NALCN: variants seen among roughly 807,000 people sequenced by gnomAD.
NALCN encodes the protein sodium leak channel NALCN.
Under a neutral mutation model 225.3 loss-of-function variants are expected in NALCN, and 111 were observed. The observed-to-expected ratio is 0.49, with a 90% CI of 0.42 to 0.58. The LOEUF (loss-of-function observed/expected upper bound fraction) is 0.58, where lower values mean the gene tolerates loss of function less well. Ranked by LOEUF, NALCN falls within the 20% of genes least tolerant of loss-of-function variation. The pLI is 0.00. For missense variants in NALCN, 1,378 were observed against 2,202.4 expected, an observed-to-expected ratio of 0.63 and a Z score of 7.49; for synonymous variants, 764 against 769.0, an observed-to-expected ratio of 0.99 and a Z score of 0.11.
At chr13:101,071,758 C>T (rs1265776649) in intron 37 of NALCN, among the ~76,000 whole-genome samples, 1 of 152,212 alleles carries the variant, frequency 6.6e-6, no homozygotes, top group African/African-American at 2.4e-5. Context: ...TTTGAATTTA[C>T]AACTTGAGTA....
At chr13:101,401,415 C>A (rs2047475780) in intron 1 of NALCN, among the ~76,000 whole-genome samples, 1 of 151,834 alleles carries the variant, frequency 6.6e-6, no homozygotes, top group South Asian at 2.1e-4. Flanking sequence ...TTTTAGAAAT[C>A]CTTCAAGATG....
At chr13:101,094,823 A>G (rs1054026149) in intron 28 of NALCN, among the ~76,000 whole-genome samples, 1 of 152,214 alleles carries the variant, frequency 6.6e-6, no homozygotes, top group Admixed American at 6.5e-5. Flanking sequence ...TGACATTTAG[A>G]AAAGAACATC....
chr13:101,310,609 CTATT>C, intron 7 of NALCN, among the ~76,000 whole-genome samples: 2 of 152,218 alleles, frequency 1.3e-5, no homozygotes, highest in South Asian at 4.1e-4. Flanking sequence ...ACGTAGCATG[CTATT>C]TATTTTACTT....
In NALCN at chr13:101,076,000, C is replaced by T. The variant is rs557306566; in HGVS notation, c.3886-59G>A. 95 of 1,461,562 alleles carry T rather than the reference C, an allele frequency of 6.5e-5. No individual in the cohort carries two copies. The South Asian group carries it at 1.1e-3, about 17-fold the overall frequency. 90.5% of individuals were successfully genotyped at this position (1,461,562 alleles called of 1,614,324 possible). ...TTGCACAAAAGATCTTGTTACAGTT[C>T]CATTTTTTAAGCCTTCTGTGAAGTA... On this transcript the variant is annotated intron_variant, in intron 34 of 43. Coordinates refer to ENST00000251127, the MANE Select transcript of NALCN (RefSeq NM_052867.4).
At chr13:101,136,290 T>TTTA (rs1555296235) in intron 17 of NALCN, among the ~76,000 whole-genome samples, 3 of 125,142 alleles carry the variant, frequency 2.4e-5, no homozygotes, top group African/African-American at 7.9e-5. Context: ...GTACGCATCG[T>TTTA]TTTATTTATT....
At position 101,241,946 on chromosome 13, in the gene NALCN, T is replaced by C. The variant is rs1262098476; in HGVS notation, c.1267-4024A>G. On this transcript the variant is annotated intron_variant, in intron 11 of 43. Transcript: ENST00000251127. The stretch of plus-strand genomic sequence containing the variant: ...TGGTCACAAGGATTTGCAAATGTCC[T>C]CAGGGCAGCCACTGCCTTGGGGCCC... Among the ~76,000 whole-genome samples, 2 of 105,988 alleles carry C rather than the reference T, an allele frequency of 1.9e-5. 1 individual carries two copies. The highest frequency in any genetic ancestry group is 6.8e-5 in the African/African-American group (2 of 29,506). The allele number at this position is 105,988 out of a possible 152,430, so 69.5% of individuals were successfully genotyped here.
At chr13:101,131,526 C>T (rs550223938) in intron 17 of NALCN, among the ~76,000 whole-genome samples, 12 of 152,232 alleles carry the variant, frequency 7.9e-5, no homozygotes, top group African/African-American at 2.9e-4. Flanking sequence ...CTCCTCCCCC[C>T]ACAAATTTTG....
chr13:101,396,204 A>G (rs912216718), intron 2 of NALCN, among the ~76,000 whole-genome samples: 2 of 152,094 alleles, frequency 1.3e-5, no homozygotes, highest in Non-Finnish European at 2.9e-5. Context: ...ACATGAATAT[A>G]TATACAGGAC....
At chr13:101,364,263 C>T (rs1363238966) in intron 6 of NALCN, among the ~76,000 whole-genome samples, 2 of 152,074 alleles carry the variant, frequency 1.3e-5, no homozygotes, top group Non-Finnish European at 2.9e-5. Flanking sequence ...TAAGAGATAG[C>T]AGCACTCACA....
At position 101,081,641 on chromosome 13, in the gene NALCN, G is replaced by T. The variant is rs771794579; in HGVS notation, c.3771C>A (p.Thr1257=). Residue 1257 remains threonine, a synonymous_variant, in exon 34 of 44, where the codon ACC becomes ACA. Coordinates refer to ENST00000251127, the MANE Select transcript of NALCN (RefSeq NM_052867.4). ...CAGGCGACATTGCTATGATCTTCAT[G>T]GTAACCTGGAGAAAAAGCAAAGAAG... is the stretch of plus-strand genomic sequence containing the variant. ...VFTFIFVLEV[T]MKIIAMSPAG... is the part of the protein sequence containing the mutation. 1.2e-6 allele frequency: 2 copies of T among 1,613,798 alleles called. No homozygotes were observed. Among genetic ancestry groups the T allele is most frequent in the Non-Finnish European group, 1.7e-6 (2 of 1,179,910 alleles).
intron 15 of NALCN, among the ~76,000 whole-genome samples, chr13:101,173,093 G>A (rs1048684458): frequency 1.6e-4 from 25 of 152,172 alleles, no homozygotes; most frequent in African/African-American, 5.6e-4. Flanking sequence ...TTGCCATCGC[G>A]CAGCAAGACT....
Position 101,083,110 on chromosome 13 carries a change from C to G in NALCN, c.3672G>C (p.Ser1224=). 6.2e-7 allele frequency: 1 copy of G among 1,614,082 alleles called. No homozygotes were observed. Among genetic ancestry groups the G allele is most frequent in the South Asian group, 1.1e-5 (1 of 91,080 alleles). ...RTIALLVLAQ[S]VLLSVKWDVE... ...GAAGTACCTTGACAGAGAGCAACAC[C>G]GACTGGGCCAGGACGAGTAATGCGA... The change falls in exon 32 of 44, where the codon TCG becomes TCC. Residue 1224 remains serine, a synonymous_variant. Coordinates refer to ENST00000251127, the MANE Select transcript of NALCN (RefSeq NM_052867.4).
At chr13:101,353,312 T>C (rs2045958984) in intron 6 of NALCN, among the ~76,000 whole-genome samples, 1 of 152,208 alleles carries the variant, frequency 6.6e-6, no homozygotes, top group African/African-American at 2.4e-5. Flanking sequence ...TGAGAGGTTT[T>C]CCTGGTCATT....
chr13:101,310,371 C>T (rs2044297849), intron 7 of NALCN, among the ~76,000 whole-genome samples: 1 of 152,142 alleles, frequency 6.6e-6, no homozygotes, highest in African/African-American at 2.4e-5. Context: ...TTGGCCTCCT[C>T]ATATGAGGAG....
intron 12 of NALCN, among the ~76,000 whole-genome samples, chr13:101,236,935 TAA>T (rs941427525): frequency 1.6e-5 from 2 of 127,916 alleles, no homozygotes; most frequent in East Asian, 2.8e-4. Context: ...TAAAATAAAA[TAA>T]AAAATAAAAT....
intron 6 of NALCN, among the ~76,000 whole-genome samples, chr13:101,348,148 T>C (rs1485468079): frequency 6.6e-6 from 1 of 152,138 alleles, no homozygotes; most frequent in East Asian, 1.9e-4. Context: ...AAGATAACAC[T>C]CTGTCTACAT....
intron 7 of NALCN, among the ~76,000 whole-genome samples, chr13:101,324,898 T>G (rs2139208067): frequency 6.6e-6 from 1 of 152,336 alleles, no homozygotes; most frequent in African/African-American, 2.4e-5. Flanking sequence ...TTCAGTATGA[T>G]ATTGGCTGTG....
intron 18 of NALCN, 113 bp downstream of exon 18, chr13:101,124,495 G>T: frequency 2.2e-6 from 2 of 889,850 alleles, no homozygotes; most frequent in Non-Finnish European, 3.5e-6. Context: ...GCTACTTTCT[G>T]GCAGAAAGTA....
intron 14 of NALCN, chr13:101,180,733 A>C (rs1161517820): frequency 4.4e-6 from 1 of 226,360 alleles, no homozygotes; most frequent in Non-Finnish European, 8.9e-6. Flanking sequence ...TCAGGTTCCA[A>C]GAAGAATTAG....
Sources: allele counts gnomAD v4.1 joint callset (sites outside exome capture counted in the v4.1 genomes callset), GRCh38; gene constraint gnomAD v4.1.1; transcripts MANE v1.5; gene names NCBI Gene and HGNC (gene_info 2026-07-23, HGNC 2026-07-21).